STK3: variants seen among roughly 807,000 people sequenced by gnomAD.
STK3 encodes the protein serine/threonine-protein kinase 3.
A neutral mutation model predicts 58.0 loss-of-function variants in STK3; 41 were observed. The observed-to-expected ratio is 0.71, with a 90% CI of 0.55 to 0.92. The LOEUF is 0.92. Among genes scored for constraint, STK3 ranks in the 40% least tolerant of loss-of-function variants. STK3 has a pLI of 0.00. For missense variants in STK3, 479 were observed against 602.7 expected (o/e 0.79, Z 2.15); for synonymous variants, 170 against 191.0 (o/e 0.89, Z 0.91).
At chr8:98,927,652 T>C (rs1839850523) in intron 1 of STK3, among the ~76,000 whole-genome samples, 1 of 152,254 alleles carries the variant, frequency 6.6e-6, no homozygotes, top group African/African-American at 2.4e-5. Flanking sequence ...TCTAAGATCA[T>C]ACACCTAGGT....
intron 4 of STK3, among the ~76,000 whole-genome samples, chr8:98,736,746 C>CA (rs981620117): frequency 2.5e-4 from 36 of 141,336 alleles, no homozygotes; most frequent in African/African-American, 9.0e-4. Context: ...ACTCTTAAAA[C>CA]AAATTAAAAA....
At chr8:98,914,461 T>TACACACAC (rs34753292) in intron 1 of STK3, among the ~76,000 whole-genome samples, 31 of 143,614 alleles carry the variant, frequency 2.2e-4, no homozygotes, top group African/African-American at 5.6e-4. Context: ...AGCACATGCC[T>TACACACAC]ACACACACAC....
chr8:98,925,152 C>T (rs978613606), intron 1 of STK3, among the ~76,000 whole-genome samples: 1 of 152,214 alleles, frequency 6.6e-6, no homozygotes, highest in Admixed American at 6.5e-5. Context: ...CTCCCAAAGT[C>T]ATTCATCAGA....
intron 1 of STK3, among the ~76,000 whole-genome samples, chr8:98,445,356 T>C (rs1245546207): frequency 1.8e-4 from 27 of 152,180 alleles, no homozygotes; most frequent in Non-Finnish European, 1.2e-4. Context: ...GCTACATATA[T>C]AATTTTATAT....
At chr8:98,586,172 GC>G (rs1814571629) in intron 7 of STK3, among the ~76,000 whole-genome samples, 1 of 151,118 alleles carries the variant, frequency 6.6e-6, no homozygotes, top group Non-Finnish European at 1.5e-5. Context: ...CCTGTCTTGT[GC>G]CAGTTTTCAA....
chr8:98,599,657 C>A (rs544394763), intron 6 of STK3, among the ~76,000 whole-genome samples: 1 of 152,102 alleles, frequency 6.6e-6, no homozygotes, highest in East Asian at 1.9e-4. Flanking sequence ...CAGGAAAAGG[C>A]CTTTTAGATG....
chr8:98,424,112 G>A (rs1252665610), intron 3 of STK3, among the ~76,000 whole-genome samples: 3 of 152,248 alleles, frequency 2.0e-5, no homozygotes, highest in Admixed American at 2.0e-4. Flanking sequence ...TTTTCAGCAC[G>A]ATGACTGGGA....
chr8:98,611,268 G>A (rs574293459), intron 6 of STK3, among the ~76,000 whole-genome samples: 2 of 151,634 alleles, frequency 1.3e-5, no homozygotes, highest in South Asian at 4.2e-4. Flanking sequence ...TTAGGATTAA[G>A]AAAATCAAAA....
intron 9 of STK3, among the ~76,000 whole-genome samples, chr8:98,540,429 C>G (rs1810149203): frequency 6.6e-6 from 1 of 152,170 alleles, no homozygotes; most frequent in African/African-American, 2.4e-5. Context: ...TCTTGTAAAT[C>G]AAGCCCACTG....
downstream of STK3, among the ~76,000 whole-genome samples, chr8:98,398,342 C>A (rs898099877): frequency 3.3e-5 from 5 of 152,194 alleles, no homozygotes; most frequent in African/African-American, 1.2e-4. Flanking sequence ...ATTATGGTGA[C>A]CAACTTCTCC....
chr8:98,587,867 T>G (rs1003380175), intron 7 of STK3, among the ~76,000 whole-genome samples: 10 of 152,124 alleles, frequency 6.6e-5, no homozygotes, highest in Non-Finnish European at 1.2e-4. Flanking sequence ...CTTCTTTGTC[T>G]CTTTTGATCT....
intron 2 of STK3, among the ~76,000 whole-genome samples, chr8:98,772,312 C>A (rs1424231394): frequency 1.3e-5 from 2 of 152,146 alleles, no homozygotes; most frequent in Non-Finnish European, 2.9e-5. Context: ...GGAGATGGAA[C>A]CTGTTAGGAG....
intron 3 of STK3, among the ~76,000 whole-genome samples, chr8:98,862,609 CTT>C (rs1351767468): frequency 6.6e-6 from 1 of 152,182 alleles, no homozygotes; most frequent in Non-Finnish European, 1.5e-5. Context: ...CCGAACAGGA[CTT>C]TTTAGAGACA....
At chr8:98,429,455 C>G (rs1161291368) in intron 3 of STK3, 1 of 1,407,612 alleles carries the variant, frequency 7.1e-7, no homozygotes, top group African/African-American at 1.4e-5. Context: ...TGCTGAGCTG[C>G]CTCTTGTGCC....
At chr8:98,791,109 G>GAGAAT in intron 1 of STK3, among the ~76,000 whole-genome samples, 1 of 152,056 alleles carries the variant, frequency 6.6e-6, no homozygotes, top group African/African-American at 2.4e-5. Context: ...ACTGATAAAA[G>GAGAAT]AATTCAGCAA....
chr8:98,456,027 AC>A, intron 10 of STK3, 27 bp from the exon 11 acceptor site: 1 of 1,575,680 alleles, frequency 6.3e-7, no homozygotes. Context: ...AGATACCAAT[AC>A]AATGAAATTA....
At chr8:98,521,509 T>C (rs187761778) in intron 10 of STK3, among the ~76,000 whole-genome samples, 1 of 152,192 alleles carries the variant, frequency 6.6e-6, no homozygotes, top group East Asian at 1.9e-4. Flanking sequence ...TCTCTTCCTA[T>C]CAATCCTTCA....
intron 4 of STK3, among the ~76,000 whole-genome samples, chr8:98,742,804 A>G (rs1202378523): frequency 2.6e-5 from 4 of 152,058 alleles, no homozygotes; most frequent in Non-Finnish European, 5.9e-5. Flanking sequence ...CTGTTTGCAG[A>G]TGACATGATT....
At chr8:98,469,537 A>T (rs764116264) in intron 10 of STK3, among the ~76,000 whole-genome samples, 1 of 152,178 alleles carries the variant, frequency 6.6e-6, no homozygotes, top group Admixed American at 6.5e-5. Context: ...AGAGGCAGAG[A>T]ACTGAGGTTG....
Sources: gnomAD v4.1 joint callset for allele counts (sites outside exome capture counted in the v4.1 genomes callset) on GRCh38, gnomAD v4.1.1 for gene constraint, MANE v1.5 for transcripts, NCBI Gene and HGNC (gene_info 2026-07-23, HGNC 2026-07-21) for gene names.